Variants in TP53INP1 observed in about 807,000 individuals in gnomAD.
TP53INP1 encodes tumor protein p53-inducible nuclear protein 1.
In TP53INP1, 12 loss-of-function variants were observed where a neutral mutation model predicts 21.0. The observed-to-expected ratio is 0.57, with a 90% CI of 0.37 to 0.93. The LOEUF (loss-of-function observed/expected upper bound fraction) is 0.93. Among genes scored for constraint, TP53INP1 ranks in the 40% least tolerant of loss-of-function variants. The pLI is 0.01. For missense variants in TP53INP1, 274 were observed against 294.7 expected (o/e 0.93, Z 0.51); for synonymous variants, 91 against 94.8 (o/e 0.96, Z 0.23).
chr8:94,934,512 A>G (rs1296521881), intron 3 of TP53INP1, among the ~76,000 whole-genome samples: 1 of 151,244 alleles, frequency 6.6e-6, no homozygotes, highest in Non-Finnish European at 1.5e-5. Context: ...CAGCCTCCCT[A>G]GTAGCTGGGA....
intron 1 of TP53INP1, among the ~76,000 whole-genome samples, chr8:94,948,587 G>A (rs1822225919): frequency 6.6e-6 from 1 of 152,174 alleles, no homozygotes; most frequent in South Asian, 2.1e-4. Context: ...CAGGGCCTCC[G>A]GAACTCGGAG....
At chr8:94,943,502 A>G (rs566423334) in intron 1 of TP53INP1, among the ~76,000 whole-genome samples, 2 of 152,234 alleles carry the variant, frequency 1.3e-5, no homozygotes, top group South Asian at 4.2e-4. Context: ...AAAGTTATAT[A>G]TATGTATGAG....
intron 3 of TP53INP1, among the ~76,000 whole-genome samples, chr8:94,933,899 C>T (rs1275301712): frequency 2.0e-5 from 3 of 149,576 alleles, no homozygotes; most frequent in East Asian, 2.0e-4. Context: ...GGTGAAGCCC[C>T]GTCTCTACTA....
intron 1 of TP53INP1, among the ~76,000 whole-genome samples, chr8:94,941,542 A>C (rs758864739): frequency 5.7e-4 from 87 of 152,204 alleles, no homozygotes; most frequent in African/African-American, 2.0e-3. Flanking sequence ...CTTCTTGTCT[A>C]TAACTGTAAG....
chr8:94,931,897 G>T (rs1336553096), intron 3 of TP53INP1, among the ~76,000 whole-genome samples: 5 of 152,094 alleles, frequency 3.3e-5, no homozygotes, highest in Non-Finnish European at 5.9e-5. Flanking sequence ...ACTTGAATCT[G>T]GGGGGTGGAG....
rs1287550882 is a variant in TP53INP1, at chr8:94,927,604, TAATG to T, written c.*2871_*2874del. 2 of 152,086 alleles carry T rather than the reference TAATG, an allele frequency of 1.3e-5. No homozygotes were observed. Among genetic ancestry groups the T allele is most frequent in the Non-Finnish European group, 2.9e-5 (2 of 67,996 alleles). 9.4% of individuals were successfully genotyped at this position (152,086 alleles called of 1,614,324 possible). A position where few individuals can be genotyped will look rare whatever the true frequency, so the allele number is the denominator to read the frequency against. ...TAAATGCATTGCCACAGAAGATAAA[TAATG>T]GATGGCTAATTTTCACCTTACAGTG... On this transcript the variant is annotated 3_prime_UTR_variant, in exon 4 of 4. Coordinates refer to ENST00000342697, the MANE Select transcript of TP53INP1 (RefSeq NM_033285.4).
At position 94,946,696 on chromosome 8, in the gene TP53INP1, CAAAAAA is replaced by C. The variant is rs71273438; in HGVS notation, c.-151+2452_-151+2457del. On this transcript the variant is annotated intron_variant, in intron 1 of 3. Transcript: ENST00000342697. ...TGGTCAACAGAGTAAGACCCTGTCTCAAAAAAAAAAAAAAAAAAAAAAAAGACAGGC... is the reference window on the plus strand; with the variant it reads ...TGGTCAACAGAGTAAGACCCTGTCTCAAAAAAAAAAAAAAAAAAGACAGGC... 1.9e-3 allele frequency among the ~76,000 whole-genome samples: 66 copies of C among 34,700 alleles called. 3 individuals are homozygous for C. Among genetic ancestry groups the C allele is most frequent in the Admixed American group, 5.1e-3 (10 of 1,950 alleles). 22.8% of individuals were successfully genotyped at this position (34,700 alleles called of 152,430 possible).
intron 1 of TP53INP1, 84 bp downstream of exon 1, chr8:94,949,070 G>C (rs1161049791): frequency 6.7e-6 from 1 of 148,340 alleles, no homozygotes; most frequent in African/African-American, 2.4e-5. Context: ...GCCCCGCCGG[G>C]CTCAGGAGCG....
chr8:94,934,174 GAT>G (rs1389118150), intron 3 of TP53INP1, among the ~76,000 whole-genome samples: 1 of 151,236 alleles, frequency 6.6e-6, no homozygotes, highest in Non-Finnish European at 1.5e-5. Flanking sequence ...AATCTGGAAG[GAT>G]ATACTCTAGG....
Position 94,930,184 on chromosome 8 carries a change from C to A in TP53INP1, c.*295G>T. 2 of 289,860 alleles carry A rather than the reference C, an allele frequency of 6.9e-6. No individual in the cohort carries two copies. Among genetic ancestry groups the A allele is most frequent in the South Asian group, 8.8e-5 (1 of 11,300 alleles). 18.0% of individuals were successfully genotyped at this position (289,860 alleles called of 1,614,324 possible). A position where few individuals can be genotyped will look rare whatever the true frequency, so the allele number is the denominator to read the frequency against. On this transcript the variant is annotated 3_prime_UTR_variant, in exon 4 of 4. Transcript: ENST00000342697. ...CTTGGGAAGAAATGTCTTTAAAATG[C>A]TGACTAATGTATAACCTAATATATT... is the stretch of plus-strand genomic sequence containing the variant.
Position 94,939,653 on chromosome 8 carries a change from C to A in TP53INP1, c.473+207G>T. 8 of 674,240 alleles carry A rather than the reference C, an allele frequency of 1.2e-5. No homozygotes were observed. The South Asian group carries it at 1.2e-4, about 10-fold the overall frequency. 41.8% of individuals were successfully genotyped at this position (674,240 alleles called of 1,614,324 possible). On this transcript the variant is annotated intron_variant, in intron 3 of 3. Transcript: ENST00000342697. Reference sequence around the variant, plus strand: ...GCTTAAGTGATCTGCCTGCCTTGGCCTCCCAAAGTGCTGGGATTACAGGTG... The same window carrying A: ...GCTTAAGTGATCTGCCTGCCTTGGCATCCCAAAGTGCTGGGATTACAGGTG...
At position 94,927,728 on chromosome 8, in the gene TP53INP1, A is replaced by AT. The variant is rs1340592871; in HGVS notation, c.*2750dup. 1.3e-5 allele frequency: 2 copies of AT among 152,480 alleles called. No homozygotes were observed. 9.4% of individuals were successfully genotyped at this position (152,480 alleles called of 1,614,324 possible). A position where few individuals can be genotyped will look rare whatever the true frequency, so the allele number is the denominator to read the frequency against. ...CAAACTTTGAGAAACATGGCGCACT[A>AT]TAAAAGCTAAGAAACTCATTCACGA... is the stretch of plus-strand genomic sequence containing the variant. On this transcript the variant is annotated 3_prime_UTR_variant, in exon 4 of 4. Transcript: ENST00000342697.
At position 94,940,231 on chromosome 8, in the gene TP53INP1, G is replaced by A. The variant is rs371400833; in HGVS notation, c.113-11C>T. The A allele has an allele frequency of 3.2e-5, 51 of 1,596,332 alleles. No individual in the cohort carries two copies. The Middle Eastern group carries it at 6.7e-4, about 21-fold the overall frequency. ...AACCAGTGCAAGTATCTAGATCGTA[G>A]TCCACATTGCAGTCCACATGTGTTG... is the stretch of plus-strand genomic sequence containing the variant. On this transcript the variant is annotated splice_polypyrimidine_tract_variant and intron_variant, in intron 2 of 3. Transcript: ENST00000342697.
At position 94,948,365 on chromosome 8, in the gene TP53INP1, G is replaced by T. The variant is rs138143359; in HGVS notation, c.-151+789C>A. On this transcript the variant is annotated intron_variant, in intron 1 of 3. Coordinates refer to ENST00000342697, the MANE Select transcript of TP53INP1 (RefSeq NM_033285.4). Reference sequence around the variant, plus strand: ...TATGAGAATCAACTGGGGCGATAAAGCAAAGCCCCCAGCATAGTATATGGC... The same window carrying T: ...TATGAGAATCAACTGGGGCGATAAATCAAAGCCCCCAGCATAGTATATGGC... Among the ~76,000 whole-genome samples, 50 of 152,342 alleles carry T rather than the reference G, an allele frequency of 3.3e-4. No homozygotes were observed. In the East Asian group the frequency reaches 9.6e-3, roughly 29 times the overall value.
intron 3 of TP53INP1, chr8:94,932,048 G>C: frequency 1.9e-6 from 3 of 1,605,120 alleles, no homozygotes; most frequent in Non-Finnish European, 2.6e-6. Flanking sequence ...ATATCACACA[G>C]TCTCAAAGTG....
rs570119310 is a variant in TP53INP1, at chr8:94,929,892, T to A, written c.*587A>T. 6.5e-6 allele frequency: 1 copy of A among 153,134 alleles called. No individual in the cohort carries two copies. Among genetic ancestry groups the A allele is most frequent in the East Asian group, 1.9e-4 (1 of 5,192 alleles). 9.5% of individuals were successfully genotyped at this position (153,134 alleles called of 1,614,324 possible). On this transcript the variant is annotated 3_prime_UTR_variant, in exon 4 of 4. Coordinates refer to ENST00000342697, the MANE Select transcript of TP53INP1 (RefSeq NM_033285.4). The stretch of plus-strand genomic sequence containing the variant: ...TAATGTACCTGAATTCCAAATGAAC[T>A]GTATGACTAATCTGGGGAAAAACCA...
In TP53INP1 at chr8:94,927,199, CAGA is replaced by C. The variant is rs1819969807; in HGVS notation, c.*3277_*3279del. 6.6e-6 allele frequency: 1 copy of C among 152,468 alleles called. No individual in the cohort carries two copies. The highest frequency in any genetic ancestry group is 1.9e-4 in the East Asian group (1 of 5,196). 9.4% of individuals were successfully genotyped at this position (152,468 alleles called of 1,614,324 possible). ...GTCCTTCATGTTTTTGTTTCCAACTCAGAGAAAATGAGAATAATGAAGATACTC... is the reference window on the plus strand; with the variant it reads ...GTCCTTCATGTTTTTGTTTCCAACTCGAAAATGAGAATAATGAAGATACTC... On this transcript the variant is annotated 3_prime_UTR_variant, in exon 4 of 4. Transcript: ENST00000342697.
intron 1 of TP53INP1, among the ~76,000 whole-genome samples, chr8:94,943,812 C>G (rs902992323): frequency 6.6e-6 from 1 of 152,184 alleles, no homozygotes; most frequent in African/African-American, 2.4e-5. Context: ...AATAGGTAAA[C>G]AGGAAGTGTC....
At position 94,929,428 on chromosome 8, in the gene TP53INP1, A is replaced by G. The variant is rs1050729468; in HGVS notation, c.*1051T>C. ...ACAATACAAGGCAATTAAAAAAAAA[A>G]AAAGAAAAAAGTTGAGCCAACCTGT... On this transcript the variant is annotated 3_prime_UTR_variant, in exon 4 of 4. Coordinates refer to ENST00000342697, the MANE Select transcript of TP53INP1 (RefSeq NM_033285.4). 3.3e-5 allele frequency: 5 copies of G among 152,244 alleles called. No individual in the cohort carries two copies. The highest frequency in any genetic ancestry group is 2.1e-4 in the South Asian group (1 of 4,820). The allele number at this position is 152,244 out of a possible 1,614,324, so 9.4% of individuals were successfully genotyped here.
Sources: gnomAD v4.1 joint callset for allele counts (sites outside exome capture counted in the v4.1 genomes callset) on GRCh38, gnomAD v4.1.1 for gene constraint, MANE v1.5 for transcripts, NCBI Gene and HGNC (gene_info 2026-07-23, HGNC 2026-07-21) for gene names.